The following BLTP1 variants were observed in gnomAD, a reference collection of about 807,000 sequenced individuals.
The protein encoded by BLTP1 is bridge-like lipid transfer protein family member 1.
the BLTP1 span, chr4:122,250,347 T>G: frequency 6.3e-7 from 1 of 1,582,666 alleles, no homozygotes; most frequent in Non-Finnish European, 8.7e-7. Context: ...TAAATGCTTT[T>G]TTTTATTTTT....
At chr4:122,271,503 G>A in the BLTP1 span, 4 of 1,613,246 alleles carry the variant, frequency 2.5e-6, no homozygotes, top group Non-Finnish European at 3.4e-6. Context: ...TCATTAGGAA[G>A]ATCTGAAAGA....
chr4:122,343,990 CTA>C, the BLTP1 span: 2 of 954,890 alleles, frequency 2.1e-6, no homozygotes, highest in African/African-American at 1.8e-5. Flanking sequence ...TAAAAAGAGA[CTA>C]TAATTTAAGT....
At chr4:122,307,895 A>G in the BLTP1 span, 3 of 1,568,542 alleles carry the variant, frequency 1.9e-6, no homozygotes, top group Non-Finnish European at 2.6e-6. Flanking sequence ...CTTAACATAT[A>G]GATTTACAGT....
At chr4:122,244,671 C>CT in the BLTP1 span, 1 of 976,340 alleles carries the variant, frequency 1.0e-6, no homozygotes, top group South Asian at 4.7e-5. Flanking sequence ...GAAAATCTTC[C>CT]TTTTCCTGCA....
At chr4:122,329,498 G>A in the BLTP1 span, among the ~76,000 whole-genome samples, 7,401 of 150,006 alleles carry the variant, frequency 0.049, 254 homozygotes, top group Non-Finnish European at 0.074. Flanking sequence ...TATAAATTTG[G>A]TTATAGGAAA....
At chr4:122,275,293 G>C in the BLTP1 span, among the ~76,000 whole-genome samples, 1 of 152,048 alleles carries the variant, frequency 6.6e-6, no homozygotes, top group Non-Finnish European at 1.5e-5. Context: ...TTGGGAACTG[G>C]AGTGGTCTTA....
At chr4:122,317,195 G>A in the BLTP1 span, among the ~76,000 whole-genome samples, 24 of 152,164 alleles carry the variant, frequency 1.6e-4, no homozygotes, top group South Asian at 6.2e-4. Flanking sequence ...AGCTGGGCGT[G>A]GTGGTACATG....
chr4:122,330,847 GTCT>G, the BLTP1 span: 1 of 223,424 alleles, frequency 4.5e-6, no homozygotes, highest in Non-Finnish European at 7.4e-6. Context: ...CAGGTGTTAA[GTCT>G]TTAATCCATT....
At chr4:122,347,731 GCTT>G in the BLTP1 span, 1 of 1,613,614 alleles carries the variant, frequency 6.2e-7, no homozygotes, top group African/African-American at 1.3e-5. Flanking sequence ...AAAATCCCCA[GCTT>G]CCATAAGATC....
the BLTP1 span, among the ~76,000 whole-genome samples, chr4:122,216,663 G>A: frequency 2.0e-5 from 3 of 152,076 alleles, no homozygotes; most frequent in Non-Finnish European, 2.9e-5. Context: ...CTGTATATTA[G>A]TCCTTTGTCA....
chr4:122,299,117 A>G, the BLTP1 span: 4 of 984,750 alleles, frequency 4.1e-6, no homozygotes, highest in Non-Finnish European at 4.8e-6. Context: ...TGTGTAGATA[A>G]ATTAATATAC....
chr4:122,286,617 G>A, the BLTP1 span: 5 of 1,614,056 alleles, frequency 3.1e-6, no homozygotes, highest in South Asian at 5.5e-5. Context: ...CCACAGATAT[G>A]TCAACCATTC....
the BLTP1 span, chr4:122,250,876 C>T: frequency 1.1e-6 from 1 of 910,598 alleles, no homozygotes; most frequent in South Asian, 5.1e-5. Context: ...AGAAATCCAC[C>T]TATAGGGTGT....
the BLTP1 span, chr4:122,257,365 T>C: frequency 1.2e-6 from 2 of 1,614,124 alleles, no homozygotes; most frequent in Non-Finnish European, 1.7e-6. Context: ...TTAGCTTACA[T>C]AGACCAGCTC....
At chr4:122,262,148 TTGTGTGTGTGTGTGTG>T in the BLTP1 span, among the ~76,000 whole-genome samples, 239 of 133,516 alleles carry the variant, frequency 1.8e-3, 3 homozygotes, top group East Asian at 8.4e-3. Flanking sequence ...TACAGATCCT[TTGTGTGTGTGTGTGTG>T]TGTGTGTGTG....
the BLTP1 span, chr4:122,187,048 C>CTT: frequency 1.0e-6 from 1 of 984,970 alleles, no homozygotes; most frequent in Non-Finnish European, 1.2e-6. Flanking sequence ...ATCAAAGTGA[C>CTT]TTGTACCTTA....
At chr4:122,228,768 A>G in the BLTP1 span, among the ~76,000 whole-genome samples, 5 of 152,172 alleles carry the variant, frequency 3.3e-5, no homozygotes, top group African/African-American at 1.2e-4. Context: ...TTACAACTCT[A>G]AACTCATACA....
chr4:122,282,218 A>C, the BLTP1 span: 1 of 294,380 alleles, frequency 3.4e-6, no homozygotes, highest in Non-Finnish European at 5.0e-6. Flanking sequence ...CCTTGCTTTT[A>C]ATATTTATGA....
At chr4:122,210,200 TG>T in the BLTP1 span, 3 of 194,094 alleles carry the variant, frequency 1.5e-5, no homozygotes, top group East Asian at 5.6e-4. Flanking sequence ...ATCTTAAAGT[TG>T]AGGAAATATG....
Sources: gnomAD v4.1 joint callset for allele counts (sites outside exome capture counted in the v4.1 genomes callset) on GRCh38, gnomAD v4.1.1 for gene constraint, MANE v1.5 for transcripts, NCBI Gene and HGNC (gene_info 2026-07-23, HGNC 2026-07-21) for gene names.